Variants in SPOCK3 observed in about 807,000 individuals in gnomAD.
SPOCK3 encodes the protein SPARC (osteonectin), cwcv and kazal like domains proteoglycan 3, also known as testican-3.
Under a neutral mutation model 56.6 loss-of-function variants are expected in SPOCK3, and 30 were observed. That is an observed-to-expected ratio of 0.53 (90% confidence interval 0.40 to 0.72). The LOEUF is 0.72. Ranked by LOEUF, SPOCK3 falls within the 30% of genes least tolerant of loss-of-function variation. The probability of loss-of-function intolerance (pLI) is 0.00; values close to 1 mark genes in which losing one functional copy is unlikely to be tolerated. For synonymous variants in SPOCK3, 196 were observed against 183.3 expected (o/e 1.07, Z -0.56); for missense variants, 527 against 530.0 (o/e 0.99, Z 0.06).
At chr4:167,004,109 C>A (rs999753456) in intron 3 of SPOCK3, among the ~76,000 whole-genome samples, 2 of 152,122 alleles carry the variant, frequency 1.3e-5, no homozygotes, top group African/African-American at 4.8e-5. Context: ...GCAGACTCAA[C>A]ATTTTTGTTG....
intron 4 of SPOCK3, among the ~76,000 whole-genome samples, chr4:166,963,743 A>G (rs1276108275): frequency 5.3e-5 from 8 of 151,942 alleles, no homozygotes. Flanking sequence ...TTTATTTGTC[A>G]GTGGGAGGAC....
At chr4:166,949,269 T>C (rs1192163490) in intron 4 of SPOCK3, among the ~76,000 whole-genome samples, 2 of 152,198 alleles carry the variant, frequency 1.3e-5, no homozygotes, top group Admixed American at 6.5e-5. Flanking sequence ...AGTTTTTAAC[T>C]TCTTTGCCTT....
intron 2 of SPOCK3, among the ~76,000 whole-genome samples, chr4:167,100,405 GTC>G (rs374831916): frequency 9.4e-5 from 14 of 148,284 alleles, no homozygotes; most frequent in East Asian, 2.0e-4. Flanking sequence ...GTCTGTCTCT[GTC>G]TCTCTCTCTC....
intron 2 of SPOCK3, among the ~76,000 whole-genome samples, chr4:167,080,828 G>A (rs1308040966): frequency 6.0e-5 from 9 of 151,196 alleles, no homozygotes; most frequent in Middle Eastern, 3.4e-3. Context: ...CATTTTCTAT[G>A]CCAACTTCTT....
At chr4:167,027,459 A>G (rs1751801172) in intron 3 of SPOCK3, among the ~76,000 whole-genome samples, 1 of 151,984 alleles carries the variant, frequency 6.6e-6, no homozygotes, top group Middle Eastern at 3.4e-3. Context: ...TGTACTATTT[A>G]ATAGTATATA....
chr4:166,956,334 T>C (rs2150048448), intron 4 of SPOCK3, among the ~76,000 whole-genome samples: 1 of 152,252 alleles, frequency 6.6e-6, no homozygotes. Context: ...GGAGCAATTA[T>C]AGCAATATGC....
At chr4:167,064,107 AATTT>A (rs1274665671) in intron 2 of SPOCK3, among the ~76,000 whole-genome samples, 3 of 151,816 alleles carry the variant, frequency 2.0e-5, no homozygotes, top group Non-Finnish European at 4.4e-5. Flanking sequence ...GCAATCCTTT[AATTT>A]ATTTATGAAA....
intron 2 of SPOCK3, among the ~76,000 whole-genome samples, chr4:167,194,086 C>T (rs571142798): frequency 3.3e-5 from 5 of 151,130 alleles, no homozygotes; most frequent in African/African-American, 1.2e-4. Flanking sequence ...GCTTTCTTCA[C>T]TCTTTTTCAT....
chr4:167,080,080 A>C (rs1181085286), intron 2 of SPOCK3, among the ~76,000 whole-genome samples: 1 of 151,978 alleles, frequency 6.6e-6, no homozygotes, highest in Non-Finnish European at 1.5e-5. Flanking sequence ...TAGATGGCAA[A>C]TTTGCCTTTA....
At chr4:167,221,181 G>A (rs1255617953) in intron 2 of SPOCK3, among the ~76,000 whole-genome samples, 1 of 150,596 alleles carries the variant, frequency 6.6e-6, no homozygotes, top group Non-Finnish European at 1.5e-5. Flanking sequence ...GCAACAAAGT[G>A]AAACCCCAGT....
intron 7 of SPOCK3, among the ~76,000 whole-genome samples, chr4:166,783,357 T>TA (rs903499583): frequency 6.6e-5 from 10 of 150,506 alleles, no homozygotes; most frequent in Admixed American, 1.3e-4. Context: ...AGAGTCTGTC[T>TA]AAAAAAAAAG....
At chr4:167,111,269 G>A (rs1237176612) in intron 2 of SPOCK3, among the ~76,000 whole-genome samples, 2 of 151,972 alleles carry the variant, frequency 1.3e-5, no homozygotes, top group Non-Finnish European at 2.9e-5. Flanking sequence ...AGATCATTAA[G>A]ATAGATAACA....
intron 5 of SPOCK3, among the ~76,000 whole-genome samples, chr4:166,905,388 C>T (rs1736499463): frequency 1.3e-5 from 2 of 151,890 alleles, no homozygotes; most frequent in South Asian, 4.1e-4. Context: ...AATTCCACAA[C>T]TGAATATATG....
intron 3 of SPOCK3, among the ~76,000 whole-genome samples, chr4:167,053,802 C>A (rs887264829): frequency 6.6e-6 from 1 of 152,076 alleles, no homozygotes; most frequent in Non-Finnish European, 1.5e-5. Context: ...AGAAAGCACA[C>A]AATGAAACCA....
At chr4:166,940,086 T>C (rs1033278945) in intron 4 of SPOCK3, among the ~76,000 whole-genome samples, 2 of 152,270 alleles carry the variant, frequency 1.3e-5, no homozygotes, top group South Asian at 2.1e-4. Context: ...GAACATGCAA[T>C]GACCAAGTGT....
At chr4:167,168,036 C>A (rs998797596) in intron 2 of SPOCK3, among the ~76,000 whole-genome samples, 1 of 152,114 alleles carries the variant, frequency 6.6e-6, no homozygotes, top group Non-Finnish European at 1.5e-5. Context: ...AGCTCTCTTG[C>A]CTGCTGCCAT....
intron 4 of SPOCK3, among the ~76,000 whole-genome samples, chr4:166,941,383 G>C (rs544312504): frequency 6.6e-6 from 1 of 152,316 alleles, no homozygotes; most frequent in South Asian, 2.1e-4. Flanking sequence ...CATTAGAAGA[G>C]AGTTTATCTC....
At chr4:167,203,842 T>G (rs1733764929) in intron 2 of SPOCK3, among the ~76,000 whole-genome samples, 1 of 152,140 alleles carries the variant, frequency 6.6e-6, no homozygotes. Context: ...TTAGCTGCAT[T>G]GCCTAATACT....
intron 2 of SPOCK3, among the ~76,000 whole-genome samples, chr4:167,143,313 G>T (rs1025408039): frequency 3.3e-5 from 5 of 151,920 alleles, no homozygotes; most frequent in Non-Finnish European, 7.4e-5. Flanking sequence ...TTGTAAAGTG[G>T]AAAGATTTTG....
Sources: allele counts gnomAD v4.1 joint callset (sites outside exome capture counted in the v4.1 genomes callset), GRCh38; gene constraint gnomAD v4.1.1; transcripts MANE v1.5; gene names NCBI Gene and HGNC (gene_info 2026-07-23, HGNC 2026-07-21).